CCDC180: variants seen among roughly 807,000 people sequenced by gnomAD.
CCDC180 encodes coiled-coil domain-containing protein 180.
CCDC180 carries 154 observed loss-of-function variants against 209.2 expected under a neutral mutation model. The observed-to-expected ratio is 0.74, with a 90% CI of 0.65 to 0.84. The LOEUF is 0.84. Among genes scored for constraint, CCDC180 ranks in the 40% least tolerant of loss-of-function variants. CCDC180 has a pLI of 0.00. For synonymous variants in CCDC180, 778 were observed against 749.1 expected (o/e 1.04, Z -0.63); for missense variants, 1,874 against 1,997.3 (o/e 0.94, Z 1.18).
chr9:97,325,338 G>C (rs1833498363), intron 14 of CCDC180, 146 bp downstream of exon 14: 2 of 781,434 alleles, frequency 2.6e-6, no homozygotes, highest in South Asian at 3.8e-5. Context: ...GATCAGATGG[G>C]AGTAGCAGAA....
intron 16 of CCDC180, among the ~76,000 whole-genome samples, chr9:97,329,755 G>T (rs1825671284): frequency 6.6e-6 from 1 of 152,146 alleles, no homozygotes; most frequent in Non-Finnish European, 1.5e-5. Context: ...AAAGGGGAGG[G>T]ATGGGTCCTT....
intron 16 of CCDC180, among the ~76,000 whole-genome samples, chr9:97,328,514 A>G (rs1040990509): frequency 1.3e-4 from 19 of 151,830 alleles, no homozygotes; most frequent in Admixed American, 8.5e-4. Flanking sequence ...ACCAAATCCA[A>G]CTTACAGTCC....
chr9:97,350,776 T>C (rs1826401307), intron 22 of CCDC180, among the ~76,000 whole-genome samples: 2 of 152,242 alleles, frequency 1.3e-5, no homozygotes, highest in South Asian at 4.1e-4. Flanking sequence ...CTTCCCAAAC[T>C]GAAACTCTGT....
intron 29 of CCDC180, 196 bp from the exon 30 acceptor site, chr9:97,365,477 C>T (rs952588315): frequency 1.8e-6 from 1 of 561,952 alleles, no homozygotes; most frequent in Non-Finnish European, 3.2e-6. Flanking sequence ...GGAACAAATA[C>T]AACCAAGAAG....
intron 13 of CCDC180, 181 bp downstream of exon 13, chr9:97,324,084 C>T: frequency 1.6e-6 from 1 of 633,962 alleles, no homozygotes; most frequent in South Asian, 2.0e-5. Context: ...ACTCACCGGA[C>T]TCCTCCCAGC....
Position 97,366,173 on chromosome 9 carries a change from G to A in CCDC180, c.4048-386G>A, listed in dbSNP as rs1826913967. On this transcript the variant is annotated intron_variant, in intron 30 of 36. Transcript: ENST00000529487. This position sits in a 1 kb window ranked among gnomAD's most constrained non-coding sequence, Gnocchi z 4.3. ...TCTCCTGTCTGCCTCCCACGGGTCTGTCTGCCTCCTTCAGGGCAGGGTCCC... is the reference window on the plus strand; with the variant it reads ...TCTCCTGTCTGCCTCCCACGGGTCTATCTGCCTCCTTCAGGGCAGGGTCCC... 6.6e-6 allele frequency among the ~76,000 whole-genome samples: 1 copy of A among 152,242 alleles called. No homozygotes were observed. Among genetic ancestry groups the A allele is most frequent in the Non-Finnish European group, 1.5e-5 (1 of 68,042 alleles).
At position 97,377,755 on chromosome 9, in the gene CCDC180, C is replaced by A. The variant is rs1432784492; in HGVS notation, c.*861C>A. 2 of 152,220 alleles carry A rather than the reference C, an allele frequency of 1.3e-5. No homozygotes were observed. The highest frequency in any genetic ancestry group is 4.8e-5 in the African/African-American group (2 of 41,434). The allele number at this position is 152,220 out of a possible 1,614,324, so 9.4% of individuals were successfully genotyped here. ...GCCAGGAGAGTGAGGAGTCCCCTTCCATCAAGGCAAAAGCAATCTCCTGTT... is the reference window on the plus strand; with the variant it reads ...GCCAGGAGAGTGAGGAGTCCCCTTCAATCAAGGCAAAAGCAATCTCCTGTT... On this transcript the variant is annotated 3_prime_UTR_variant, in exon 37 of 37. Coordinates refer to ENST00000529487, the MANE Select transcript of CCDC180 (RefSeq NM_020893.6).
At chr9:97,352,291 T>A (rs1330556492) in intron 22 of CCDC180, among the ~76,000 whole-genome samples, 2 of 152,102 alleles carry the variant, frequency 1.3e-5, no homozygotes, top group Admixed American at 1.3e-4. Flanking sequence ...AAATGGGAGA[T>A]GTAGGAAATT....
chr9:97,328,344 A>C (rs1833604491), intron 16 of CCDC180, among the ~76,000 whole-genome samples, 198 bp downstream of exon 16: 1 of 152,216 alleles, frequency 6.6e-6, no homozygotes. Flanking sequence ...AGGGTTCAGA[A>C]TTCAGGGCTC....
At chr9:97,308,743 A>G (rs542347126) in intron 2 of CCDC180, among the ~76,000 whole-genome samples, 8 of 152,376 alleles carry the variant, frequency 5.3e-5, no homozygotes, top group South Asian at 4.1e-4. Flanking sequence ...AGGGATTTGC[A>G]TTCCTAATTT....
chr9:97,364,785 CTA>C (rs1369539318), intron 29 of CCDC180: 3 of 152,342 alleles, frequency 2.0e-5, no homozygotes, highest in Non-Finnish European at 4.4e-5. Context: ...CTTCGGCTCT[CTA>C]TTTTTTATAG....
Position 97,320,190 on chromosome 9 carries a change from C to G in CCDC180, c.1144C>G (p.Leu382Val). The G allele has an allele frequency of 6.2e-7, 1 of 1,614,170 alleles. No homozygotes were observed. Among genetic ancestry groups the G allele is most frequent in the Non-Finnish European group, 8.5e-7 (1 of 1,179,998 alleles). The part of the protein sequence containing the change: ...LTEWHSSLNS[L>V]NKELDTYHVD... ...TGAGTGGCATTCTTCCCTCAACTCCCTGAACAAGGAGCTAGGTGAGTGACG... is the reference window on the plus strand; with the variant it reads ...TGAGTGGCATTCTTCCCTCAACTCCGTGAACAAGGAGCTAGGTGAGTGACG... The change falls in exon 11 of 37, where the codon CTG becomes GTG. Residue 382 changes from leucine to valine, a missense_variant. By Grantham distance (32) the Leu-to-Val change is conservative. Transcript: ENST00000529487.
chr9:97,342,817 T>C (rs1181595508), intron 18 of CCDC180, among the ~76,000 whole-genome samples: 1 of 152,250 alleles, frequency 6.6e-6, no homozygotes, highest in Non-Finnish European at 1.5e-5. Flanking sequence ...AGAGCTCTCC[T>C]TTGAGTGCAG....
At position 97,327,639 on chromosome 9, in the gene CCDC180, C is replaced by T. The variant is rs928416937; in HGVS notation, c.1662-381C>T. ...CAATTCTGATTACTTTAGGCAAGTA[C>T]GTAACCCTATGAGCCTTGGTCTACT... On this transcript the variant is annotated intron_variant, in intron 15 of 36. Transcript: ENST00000529487. Among the ~76,000 whole-genome samples, 14 of 152,232 alleles carry T rather than the reference C, an allele frequency of 9.2e-5. No individual in the cohort carries two copies. The Middle Eastern group carries it at 0.014, about 148-fold the overall frequency.
chr9:97,365,203 C>A (rs1479707678), intron 29 of CCDC180: 1 of 154,948 alleles, frequency 6.5e-6, no homozygotes, highest in African/African-American at 2.4e-5. Flanking sequence ...TAGACTATGA[C>A]CATTCATTCT....
Position 97,367,686 on chromosome 9 carries a change from C to G in CCDC180, c.4189+986C>G, listed in dbSNP as rs190188080. Among the ~76,000 whole-genome samples the G allele has an allele frequency of 3.7e-3, 567 of 152,218 alleles. 7 individuals carry two copies. Among genetic ancestry groups the G allele is most frequent in the African/African-American group, 0.013 (535 of 41,514 alleles). On this transcript the variant is annotated intron_variant, in intron 31 of 36. Transcript: ENST00000529487. Reference sequence around the variant, plus strand: ...ACAGGGTTTCACCACATTGACCAGGCTGATCTCGAACTCCTGACCTCCAAT... The same window carrying G: ...ACAGGGTTTCACCACATTGACCAGGGTGATCTCGAACTCCTGACCTCCAAT...
At chr9:97,351,415 C>A (rs1826416931) in intron 22 of CCDC180, among the ~76,000 whole-genome samples, 1 of 152,160 alleles carries the variant, frequency 6.6e-6, no homozygotes, top group Non-Finnish European at 1.5e-5. Context: ...ACGATTAATG[C>A]TGTTAACCTT....
At chr9:97,327,879 C>A in intron 15 of CCDC180, 141 bp from the exon 16 acceptor site, 1 of 854,298 alleles carries the variant, frequency 1.2e-6, no homozygotes, top group Non-Finnish European at 1.8e-6. Flanking sequence ...AGAAAAATAG[C>A]ATAGCCAAGG....
chr9:97,326,513 A>G, intron 14 of CCDC180, 41 bp from the exon 15 acceptor site: 1 of 1,172,656 alleles, frequency 8.5e-7, no homozygotes, highest in South Asian at 1.2e-5. Flanking sequence ...TGAGCACTGG[A>G]GGTCACATCT....
Sources: allele counts gnomAD v4.1 joint callset (sites outside exome capture counted in the v4.1 genomes callset), GRCh38; gene constraint gnomAD v4.1.1; non-coding constraint Gnocchi (gnomAD v3.1); transcripts MANE v1.5; gene names NCBI Gene and HGNC (gene_info 2026-07-23, HGNC 2026-07-21).